OVOL3: variants seen among roughly 807,000 people sequenced by gnomAD.
The protein encoded by OVOL3 is ovo like zinc finger 3.
A neutral mutation model predicts 13.6 loss-of-function variants in OVOL3; 15 were observed. The observed-to-expected ratio is 1.11, with a 90% CI of 0.74 to 1.70. The LOEUF (loss-of-function observed/expected upper bound fraction) is 1.70. Ranked by LOEUF, OVOL3 falls within the 40% of genes most tolerant of loss-of-function variation. OVOL3 has a pLI of 0.00. For synonymous variants in OVOL3, 102 were observed against 108.5 expected, an observed-to-expected ratio of 0.94 and a Z score of 0.37; for missense variants, 290 against 280.6, an observed-to-expected ratio of 1.03 and a Z score of -0.24.
Position 36,113,631 on chromosome 19 carries a change from A to ACAGCACCGCGCC in OVOL3, c.545_556dup (p.Gln182_Ala185dup). ...CCAGCTCCCGGCCCGACACCTACGCACAGCACCGCGCCCTGCACCGCGCAG... is the reference window on the plus strand; with the variant it reads ...CCAGCTCCCGGCCCGACACCTACGCACAGCACCGCGCCCAGCACCGCGCCCTGCACCGCGCAG... On this transcript the variant is annotated inframe_insertion, in exon 4 of 4. Transcript: ENST00000633214. The ACAGCACCGCGCC allele has an allele frequency of 1.9e-6, 3 of 1,546,584 alleles. No individual in the cohort carries two copies. Among genetic ancestry groups the ACAGCACCGCGCC allele is most frequent in the South Asian group, 2.4e-5 (2 of 84,056 alleles).
In OVOL3 at chr19:36,113,662, T is replaced by TA. The variant is rs1568379760; in HGVS notation, c.*2dup. 1 of 1,549,442 alleles carries TA rather than the reference T, an allele frequency of 6.5e-7. No individual in the cohort carries two copies. The highest frequency in any genetic ancestry group is 1.2e-5 in the South Asian group (1 of 84,100). ...CCGCGCCCTGCACCGCGCAGCCTGA[T>TA]ACGGTGTGCCAGCGTCCTCCCCACG... On this transcript the variant is annotated 3_prime_UTR_variant, in exon 4 of 4. Transcript: ENST00000633214.
In OVOL3 at chr19:36,113,566, C is replaced by T. The variant is rs1452194241; in HGVS notation, c.478C>T (p.Arg160Cys). The T allele has an allele frequency of 6.5e-7, 1 of 1,537,122 alleles. No homozygotes were observed. Among genetic ancestry groups the T allele is most frequent in the Non-Finnish European group, 8.7e-7 (1 of 1,146,886 alleles). ...GQPASYAYRE[R>C]REKLHVCEDC... ...GCCGGCCAGCTACGCTTACCGTGAGCGCCGCGAGAAGCTGCACGTGTGCGA... is the reference window on the plus strand; with the variant it reads ...GCCGGCCAGCTACGCTTACCGTGAGTGCCGCGAGAAGCTGCACGTGTGCGA... The change falls in exon 4 of 4, where the codon CGC (arginine) becomes TGC (cysteine). Residue 160 changes from arginine (R) to cysteine (C), a missense_variant. Coordinates refer to ENST00000633214, the MANE Select transcript of OVOL3 (RefSeq NM_001302757.2).
In OVOL3 at chr19:36,113,689, G is replaced by A. The variant is rs1208616356; in HGVS notation, c.*28G>A. On this transcript the variant is annotated 3_prime_UTR_variant, in exon 4 of 4. Transcript: ENST00000633214. The stretch of plus-strand genomic sequence containing the variant: ...CGGTGTGCCAGCGTCCTCCCCACGA[G>A]GCAAATAAACACAGAAAACTCACGC... 6.4e-7 allele frequency: 1 copy of A among 1,564,424 alleles called. No individual in the cohort carries two copies. Among genetic ancestry groups the A allele is most frequent in the African/African-American group, 1.4e-5 (1 of 73,604 alleles).
At chr19:36,112,138 A>G (rs761431142) in intron 2 of OVOL3, among the ~76,000 whole-genome samples, 1 of 152,138 alleles carries the variant, frequency 6.6e-6, no homozygotes, top group Non-Finnish European at 1.5e-5. Flanking sequence ...GAGGCAGGGC[A>G]GAGGATGCAG....
rs1249454261 is a variant in OVOL3, at chr19:36,113,560, C to T, written c.472C>T (p.Arg158Cys). 2 of 1,536,770 alleles carry T rather than the reference C, an allele frequency of 1.3e-6. No individual in the cohort carries two copies. Among genetic ancestry groups the T allele is most frequent in the Non-Finnish European group, 8.7e-7 (1 of 1,146,900 alleles). ...VHGQPASYAY[R>C]ERREKLHVCE... ...TGGACAGCCGGCCAGCTACGCTTAC[C>T]GTGAGCGCCGCGAGAAGCTGCACGT... Residue 158 changes from arginine (R) to cysteine (C), a missense_variant, in exon 4 of 4, where the codon CGT becomes TGT. Transcript: ENST00000633214.
At chr19:36,111,488 C>A in intron 2 of OVOL3, 55 bp downstream of exon 2, 3 of 1,515,596 alleles carry the variant, frequency 2.0e-6, no homozygotes, top group Non-Finnish European at 2.7e-6. Context: ...CTGCTCTCAG[C>A]CTTAATGAAG....
intron 2 of OVOL3, 178 bp downstream of exon 2, chr19:36,111,611 C>G: frequency 8.1e-6 from 6 of 738,952 alleles, no homozygotes; most frequent in Non-Finnish European, 1.4e-5. Flanking sequence ...AGTGAGCTCT[C>G]TACTGTTAGG....
intron 3 of OVOL3, 80 bp from the exon 4 acceptor site, chr19:36,113,373 G>A: frequency 7.2e-7 from 1 of 1,394,942 alleles, no homozygotes; most frequent in East Asian, 2.5e-5. Flanking sequence ...GCTCAACACT[G>A]GAAAGCAGGG....
At chr19:36,113,339 G>A (rs1973871156) in intron 3 of OVOL3, 114 bp from the exon 4 acceptor site, 1 of 1,100,484 alleles carries the variant, frequency 9.1e-7, no homozygotes, top group Non-Finnish European at 1.3e-6. Flanking sequence ...AGAGTCTGAA[G>A]AGCTTGGAAT....
rs1194300217 is a variant in OVOL3 at position 36,111,388 on chromosome 19, G to A, written c.114G>A (p.Gly38=). ...AYIPDCSSLG[G]PPAQQSSSVR... ...CCTCAGACTGCAGCAGCCTGGGGGG[G>A]CCACCGGCACAACAGTCGTCCAGTG... The change falls in exon 2 of 4, where the codon GGG becomes GGA. Residue 38 remains glycine, a synonymous_variant. Transcript: ENST00000633214. The A allele has an allele frequency of 7.8e-6, 12 of 1,535,794 alleles. No individual in the cohort carries two copies. The highest frequency in any genetic ancestry group is 2.4e-5 in the East Asian group (1 of 40,926).
intron 3 of OVOL3, 150 bp from the exon 4 acceptor site, chr19:36,113,303 G>A (rs1973869649): frequency 2.5e-6 from 2 of 814,182 alleles, no homozygotes; most frequent in East Asian, 2.7e-5. Context: ...CTGGGTGACG[G>A]TAGCAGATGG....
At chr19:36,111,694 T>C in intron 2 of OVOL3, 2 of 641,930 alleles carry the variant, frequency 3.1e-6, no homozygotes, top group Non-Finnish European at 5.8e-6. Flanking sequence ...TCCCCACATG[T>C]GGATGATCCG....
rs1460478171 is a variant in OVOL3, at chr19:36,111,382, G to A, written c.108G>A (p.Leu36=). 6.5e-7 allele frequency: 1 copy of A among 1,535,154 alleles called. No homozygotes were observed. Among genetic ancestry groups the A allele is most frequent in the Non-Finnish European group, 8.7e-7 (1 of 1,146,272 alleles). The change falls in exon 2 of 4, where the codon CTG becomes CTA. Residue 36 remains leucine, a synonymous_variant. Transcript: ENST00000633214. ...TTTTCTCCTCAGACTGCAGCAGCCT[G>A]GGGGGGCCACCGGCACAACAGTCGT... ...GDAYIPDCSS[L]GGPPAQQSSS...
chr19:36,111,727 AGGCAACAGGAGTGCGATGGGAGATAAG>A (rs1973823981), intron 2 of OVOL3: 7 of 588,692 alleles, frequency 1.2e-5, no homozygotes, highest in Admixed American at 2.2e-5. Context: ...ACATGGGACA[AGGCAACAGGAGTGCGATGGGAGATAAG>A]GGCTTTTTCA....
chr19:36,112,155 G>A (rs924875754), intron 2 of OVOL3, among the ~76,000 whole-genome samples: 6 of 152,012 alleles, frequency 3.9e-5, no homozygotes, highest in Non-Finnish European at 7.4e-5. Flanking sequence ...GCAGTGAGCC[G>A]AGTCTGCGCC....
At chr19:36,111,738 G>C in intron 2 of OVOL3, 1 of 570,536 alleles carries the variant, frequency 1.8e-6, no homozygotes, top group South Asian at 1.5e-5. Flanking sequence ...GGCAACAGGA[G>C]TGCGATGGGA....
intron 2 of OVOL3, among the ~76,000 whole-genome samples, chr19:36,111,983 T>A (rs1973832013): frequency 6.6e-6 from 1 of 152,118 alleles, no homozygotes. Flanking sequence ...GGTGAATCAC[T>A]TGAGGTCATG....
At chr19:36,113,023 T>C (rs1429020535) in intron 3 of OVOL3, 59 bp downstream of exon 3, 5 of 1,470,742 alleles carry the variant, frequency 3.4e-6, no homozygotes, top group East Asian at 4.9e-5. Flanking sequence ...TGGAAGGAAA[T>C]GGAGAGAGGT....
intron 2 of OVOL3, among the ~76,000 whole-genome samples, chr19:36,112,138 A>T (rs761431142): frequency 6.6e-6 from 1 of 152,138 alleles, no homozygotes; most frequent in African/African-American, 2.4e-5. Flanking sequence ...GAGGCAGGGC[A>T]GAGGATGCAG....
Sources: gnomAD v4.1 joint callset for allele counts (sites outside exome capture counted in the v4.1 genomes callset) on GRCh38, gnomAD v4.1.1 for gene constraint, MANE v1.5 for transcripts, NCBI Gene and HGNC (gene_info 2026-07-23, HGNC 2026-07-21) for gene names.